SIGLEC1: variants seen among roughly 807,000 people sequenced by gnomAD.
The protein encoded by SIGLEC1 is sialic acid binding Ig like lectin 1.
SIGLEC1 carries 132 observed loss-of-function variants against 148.0 expected under a neutral mutation model. The ratio of observed to expected loss-of-function variants is 0.89; its 90% CI spans 0.77 to 1.03. SIGLEC1 has a LOEUF of 1.03. Ranked by LOEUF, SIGLEC1 falls within the 50% of genes least tolerant of loss-of-function variation. The pLI is 0.00. For synonymous variants in SIGLEC1, 945 were observed against 969.0 expected (o/e 0.98, Z 0.46); for missense variants, 2,253 against 2,271.4 (o/e 0.99, Z 0.16).
rs375947948 is a variant in SIGLEC1 at position 3,689,955 on chromosome 20, C to T, written c.4894+7G>A. On this transcript the variant is annotated splice_region_variant and intron_variant, in intron 19 of 21. Transcript: ENST00000344754. ...GTGGCCTGGGAGATGGAGCCCCCTC[C>T]CCTCACCTCTGACCCCAAAGTAGGT... 6 of 1,607,492 alleles carry T rather than the reference C, an allele frequency of 3.7e-6. No homozygotes were observed. In the African/African-American group the frequency reaches 8.0e-5, roughly 21 times the overall value.
chr20:3,696,141 A>AACACACACACACACAC (rs71195853), intron 11 of SIGLEC1, among the ~76,000 whole-genome samples: 22 of 145,190 alleles, frequency 1.5e-4, no homozygotes, highest in African/African-American at 4.3e-4. Flanking sequence ...CACACACACA[A>AACACACACACACACAC]ACACACACAC....
At position 3,694,287 on chromosome 20, in the gene SIGLEC1, C is replaced by T; in HGVS notation, c.3190G>A (p.Val1064Ile). The T allele has an allele frequency of 6.2e-7, 1 of 1,612,948 alleles. No homozygotes were observed. Among genetic ancestry groups the T allele is most frequent in the Non-Finnish European group, 8.5e-7 (1 of 1,179,988 alleles). Reference protein sequence around the residue: ...IHGAMLEDEGVYICEASNTLG... With the variant: ...IHGAMLEDEGIYICEASNTLG... ...GTGTTGGAGGCCTCACAGATATAGACACCCTCATCCTCCAGCATAGCCCCG... is the reference window on the plus strand; with the variant it reads ...GTGTTGGAGGCCTCACAGATATAGATACCCTCATCCTCCAGCATAGCCCCG... Residue 1064 changes from valine (V) to isoleucine (I), a missense_variant, in exon 13 of 22, where the codon GTC becomes ATC. Transcript: ENST00000344754.
In SIGLEC1 at chr20:3,712,370, C is replaced by CT. The variant is rs879306338; in HGVS notation, c.-110+99_-110+100insA. Among the ~76,000 whole-genome samples, 39 of 151,480 alleles carry CT rather than the reference C, an allele frequency of 2.6e-4. 1 individual carries two copies. The highest frequency in any genetic ancestry group is 4.9e-4 in the Non-Finnish European group (33 of 67,850). ...ACCACTCGCACCCAGATGGAGCCCC[C>CT]CCCCGACCCCTGCCCCTATCCCGCT... On this transcript the variant is annotated intron_variant, in intron 1 of 21. Transcript: ENST00000344754.
Position 3,693,709 on chromosome 20 carries a change from G to A in SIGLEC1, c.3257-11C>T, listed in dbSNP as rs1311420480. Reference sequence around the variant, plus strand: ...CCTGCACATTCACAGCTGGGGAGAGGGAGGGCACAGGACACCAGTGAGGGT... The same window carrying A: ...CCTGCACATTCACAGCTGGGGAGAGAGAGGGCACAGGACACCAGTGAGGGT... On this transcript the variant is annotated splice_polypyrimidine_tract_variant and intron_variant, in intron 13 of 21. Coordinates refer to ENST00000344754, the MANE Select transcript of SIGLEC1 (RefSeq NM_023068.4). 5 of 1,562,842 alleles carry A rather than the reference G, an allele frequency of 3.2e-6. No individual in the cohort carries two copies. In the South Asian group the frequency reaches 6.1e-5, roughly 19 times the overall value.
rs2088746076 is a variant in SIGLEC1, at chr20:3,690,330, A to G, written c.4592-66T>C. ...CACAAATTTCTCCCTCCCTGTACCCATGCACAGTGACTTTGCTGCTCCTCC... is the reference window on the plus strand; with the variant it reads ...CACAAATTTCTCCCTCCCTGTACCCGTGCACAGTGACTTTGCTGCTCCTCC... On this transcript the variant is annotated intron_variant, in intron 18 of 21. Transcript: ENST00000344754. 9.8e-6 allele frequency: 13 copies of G among 1,324,084 alleles called. No homozygotes were observed. The South Asian group carries it at 1.5e-4, about 15-fold the overall frequency. The allele number at this position is 1,324,084 out of a possible 1,614,324, so 82.0% of individuals were successfully genotyped here.
At chr20:3,709,732 G>T (rs529327997) in intron 1 of SIGLEC1, among the ~76,000 whole-genome samples, 4 of 152,152 alleles carry the variant, frequency 2.6e-5, no homozygotes, top group Non-Finnish European at 4.4e-5. Flanking sequence ...AATATCAATC[G>T]GCCATAAGGA....
Position 3,701,645 on chromosome 20 carries a change from T to C in SIGLEC1, c.1229-4A>G, listed in dbSNP as rs617583. On this transcript the variant is annotated splice_polypyrimidine_tract_variant and splice_region_variant and intron_variant, in intron 6 of 21. Transcript: ENST00000344754. Reference sequence around the variant, plus strand: ...AGGACTGGAGTGAGAGGCGGGTCTGTGTGGAGACGAGAGGTGGGCCTGTCA... The same window carrying C: ...AGGACTGGAGTGAGAGGCGGGTCTGCGTGGAGACGAGAGGTGGGCCTGTCA... The C allele has an allele frequency of 7.8e-3, 12,136 of 1,548,604 alleles. 56 individuals are homozygous for C. Among genetic ancestry groups the C allele is most frequent in the African/African-American group, 9.4e-3 (693 of 73,576 alleles).
chr20:3,696,546 G>A (rs1443918258), intron 11 of SIGLEC1, 40 bp downstream of exon 11: 2 of 1,548,620 alleles, frequency 1.3e-6, no homozygotes, highest in East Asian at 2.3e-5. Context: ...AGTCCCCAGG[G>A]CATCAGAGTC....
Position 3,705,928 on chromosome 20 carries a change from C to T in SIGLEC1, c.522G>A (p.Gln174=). 3 of 1,614,176 alleles carry T rather than the reference C, an allele frequency of 1.9e-6. No homozygotes were observed. Among genetic ancestry groups the T allele is most frequent in the African/African-American group, 1.3e-5 (1 of 75,080 alleles). ...AGCGAGCAGGGTCCTGGCCTTGCCA[C>T]TGCAGTCTGACCTGCTCCTGCAGGC... ...YVCLQEQVRL[Q]WQGQDPARSV... is the part of the protein sequence containing the mutation. The change falls in exon 4 of 22, where the codon CAG becomes CAA. Residue 174 remains glutamine, a synonymous_variant. Coordinates refer to ENST00000344754, the MANE Select transcript of SIGLEC1 (RefSeq NM_023068.4).
rs1264014890 is a variant in SIGLEC1, at chr20:3,694,359, TG to T, written c.3117del (p.Arg1040GlyfsTer48). 1 of 1,613,132 alleles carries T rather than the reference TG, an allele frequency of 6.2e-7. No homozygotes were observed. The highest frequency in any genetic ancestry group is 8.5e-7 in the Non-Finnish European group (1 of 1,179,954). ...QGVGGPEGSS[P>X]RLHVAVAPNT... ...TTGGGGGCCACAGCCACATGCAGCC[TG>T]GGAGAGCTGCCTTCGGGTCCCCCCA... On this transcript the variant is annotated frameshift_variant, in exon 13 of 22. Transcript: ENST00000344754. LOFTEE classifies it high-confidence loss of function.
In SIGLEC1 at chr20:3,704,079, C is replaced by A. The variant is rs1374757341; in HGVS notation, c.719G>T (p.Gly240Val). The A allele has an allele frequency of 1.9e-6, 3 of 1,612,356 alleles. No individual in the cohort carries two copies. The highest frequency in any genetic ancestry group is 3.3e-5 in the Admixed American group (2 of 59,920). ...IHLQVKYAPK[G>V]VKILLSPSGR... ...CGAGGGGCTGAGGAGGATCTTCACA[C>A]CCTTGGGGGCATCTGCAAGTCACAG... is the stretch of plus-strand genomic sequence containing the variant. Residue 240 changes from glycine (G) to valine (V), a missense_variant, in exon 5 of 22, where the codon GGT (glycine) becomes GTT (valine). Coordinates refer to ENST00000344754, the MANE Select transcript of SIGLEC1 (RefSeq NM_023068.4).
In SIGLEC1 at chr20:3,696,141, A is replaced by AACACACACACAC. The variant is rs71195853; in HGVS notation, c.2683+433_2683+444dup. Among the ~76,000 whole-genome samples the AACACACACACAC allele has an allele frequency of 2.3e-3, 333 of 145,190 alleles. 1 individual carries two copies. The highest frequency in any genetic ancestry group is 8.1e-3 in the African/African-American group (319 of 39,466). ...GAGACTATATATATACACACACACA[A>AACACACACACAC]ACACACACACACACACACACACACA... On this transcript the variant is annotated intron_variant, in intron 11 of 21. Transcript: ENST00000344754.
At chr20:3,712,198 C>G (rs57696466) in intron 1 of SIGLEC1, among the ~76,000 whole-genome samples, 1 of 144,106 alleles carries the variant, frequency 6.9e-6, no homozygotes, top group African/African-American at 2.6e-5. Flanking sequence ...GGAATAGGGG[C>G]TGGGGCTGGG....
Position 3,703,441 on chromosome 20 carries a change from G to C in SIGLEC1, c.984C>G (p.Val328=). Residue 328 remains valine (V), a synonymous_variant, in exon 6 of 22, where the codon GTC becomes GTG. Coordinates refer to ENST00000344754, the MANE Select transcript of SIGLEC1 (RefSeq NM_023068.4). ...PISLHIFMAE[V]QVSPAGPILE... ...GGATGGGACCTGCTGGGCTCACCTG[G>C]ACCTCAGCCACTGCAAGGGCAGCAT... The C allele has an allele frequency of 6.4e-7, 1 of 1,571,202 alleles. No homozygotes were observed. Among genetic ancestry groups the C allele is most frequent in the Non-Finnish European group, 8.6e-7 (1 of 1,156,072 alleles).
In SIGLEC1 at chr20:3,705,769, C is replaced by T; in HGVS notation, c.681G>A (p.Gln227=). ...ACTTCACTTGGAGGTGAATCTCGCT[C>T]TGAGCCCTGTGATTGGCCACGGAGA... is the stretch of plus-strand genomic sequence containing the variant. The part of the protein sequence containing the change: ...CQLSVANHRA[Q]SEIHLQVKYA... The change falls in exon 4 of 22, where the codon CAG becomes CAA. Residue 227 remains glutamine (Q), a synonymous_variant. Transcript: ENST00000344754. 6.2e-7 allele frequency: 1 copy of T among 1,612,268 alleles called. No homozygotes were observed. Among genetic ancestry groups the T allele is most frequent in the Non-Finnish European group, 8.5e-7 (1 of 1,178,736 alleles).
intron 20 of SIGLEC1, 62 bp from the exon 21 acceptor site, chr20:3,689,289 C>G (rs2088730957): frequency 1.4e-6 from 2 of 1,408,136 alleles, no homozygotes; most frequent in Admixed American, 3.3e-5. Context: ...CCCCATTCCT[C>G]TCCCGCTCCC....
intron 1 of SIGLEC1, among the ~76,000 whole-genome samples, chr20:3,712,177 G>A (rs1230092845): frequency 6.6e-6 from 1 of 150,890 alleles, no homozygotes; most frequent in Non-Finnish European, 1.5e-5. Context: ...AGGTGAGGGT[G>A]AGATAAGGTT....
At chr20:3,696,120 CTATATA>C (rs1555847913) in intron 11 of SIGLEC1, among the ~76,000 whole-genome samples, 20 of 106,006 alleles carry the variant, frequency 1.9e-4, no homozygotes, top group African/African-American at 9.2e-4. Flanking sequence ...TTTATAGAGA[CTATATA>C]TATACACACA....
rs753437548 is a variant in SIGLEC1 at position 3,701,487 on chromosome 20, G to A, written c.1383C>T (p.His461=). 3 of 1,614,122 alleles carry A rather than the reference G, an allele frequency of 1.9e-6. No individual in the cohort carries two copies. Among genetic ancestry groups the A allele is most frequent in the South Asian group, 1.1e-5 (1 of 91,090 alleles). ...CAGAGGTACCACTGAAGCGTGGGCT[G>A]TGATCACTGTCCCCGGAGGTGGAGG... ...ILASTSGDSD[H]SPRFSGTSGP... The change falls in exon 7 of 22, where the codon CAC becomes CAT. Residue 461 remains histidine, a synonymous_variant. Transcript: ENST00000344754.
Sources: allele counts gnomAD v4.1 joint callset (sites outside exome capture counted in the v4.1 genomes callset), GRCh38; gene constraint gnomAD v4.1.1; transcripts MANE v1.5; gene names NCBI Gene and HGNC (gene_info 2026-07-23, HGNC 2026-07-21).